Variants in LMX1A observed in about 807,000 individuals in gnomAD.
LMX1A encodes the protein LIM homeobox transcription factor 1-alpha.
In LMX1A, 15 loss-of-function variants were observed where a neutral mutation model predicts 49.1. That is an observed-to-expected ratio of 0.31 (90% confidence interval 0.20 to 0.47). The LOEUF (loss-of-function observed/expected upper bound fraction) is 0.47. Ranked by LOEUF, LMX1A falls within the 20% of genes least tolerant of loss-of-function variation. LMX1A has a pLI of 1.00. For missense variants in LMX1A, 372 were observed against 475.8 expected (o/e 0.78, Z 2.03); for synonymous variants, 167 against 185.7 (o/e 0.90, Z 0.82).
At chr1:165,259,740 T>G (rs1471272371) in intron 3 of LMX1A, among the ~76,000 whole-genome samples, 1 of 152,132 alleles carries the variant, frequency 6.6e-6, no homozygotes, top group African/African-American at 2.4e-5. Flanking sequence ...TAGTCAATGA[T>G]CAAGAAACTA....
chr1:165,352,272 G>C (rs1485808202), intron 3 of LMX1A, among the ~76,000 whole-genome samples: 3 of 152,082 alleles, frequency 2.0e-5, no homozygotes, highest in Admixed American at 6.5e-5. Flanking sequence ...TTAAATTCCT[G>C]CCTCCCAGTT....
intron 3 of LMX1A, among the ~76,000 whole-genome samples, chr1:165,327,968 T>A (rs1342419362): frequency 6.6e-6 from 1 of 152,216 alleles, no homozygotes; most frequent in Admixed American, 6.5e-5. Context: ...GGAACTTTAA[T>A]GGAAAAATAT....
intron 3 of LMX1A, among the ~76,000 whole-genome samples, chr1:165,302,572 T>C (rs1303208994): frequency 6.6e-6 from 1 of 152,224 alleles, no homozygotes; most frequent in East Asian, 1.9e-4. Context: ...TTCACTACCC[T>C]TTGCAATGAC....
intron 3 of LMX1A, among the ~76,000 whole-genome samples, chr1:165,277,651 C>A (rs1654009742): frequency 6.6e-6 from 1 of 152,220 alleles, no homozygotes; most frequent in Admixed American, 6.5e-5. Context: ...TTCCTGGAAT[C>A]CCCTGCTCTG....
intron 3 of LMX1A, among the ~76,000 whole-genome samples, chr1:165,307,652 C>G (rs16842357): frequency 1.3e-5 from 2 of 152,126 alleles, no homozygotes; most frequent in Non-Finnish European, 2.9e-5. Context: ...CCCTCAATAC[C>G]CTTACAACAG....
intron 3 of LMX1A, among the ~76,000 whole-genome samples, chr1:165,277,558 T>G (rs1377445938): frequency 6.6e-6 from 1 of 152,212 alleles, no homozygotes; most frequent in Non-Finnish European, 1.5e-5. Context: ...GTTGTCACTG[T>G]GCCATATAAA....
At chr1:165,204,395 C>G (rs749628528) in intron 8 of LMX1A, among the ~76,000 whole-genome samples, 9 of 151,864 alleles carry the variant, frequency 5.9e-5, no homozygotes, top group Non-Finnish European at 1.0e-4. Context: ...ATGGTAAAAC[C>G]AACAAACAAA....
At chr1:165,333,745 T>C (rs748113116) in intron 3 of LMX1A, among the ~76,000 whole-genome samples, 20 of 152,004 alleles carry the variant, frequency 1.3e-4, no homozygotes, top group Non-Finnish European at 2.8e-4. Flanking sequence ...CACACATGCA[T>C]ACACACAAAC....
intron 3 of LMX1A, among the ~76,000 whole-genome samples, chr1:165,296,796 T>A (rs1313446939): frequency 6.6e-6 from 1 of 152,262 alleles, no homozygotes; most frequent in Non-Finnish European, 1.5e-5. Context: ...AATGTATTTT[T>A]ATATTTTTGT....
At chr1:165,326,278 T>C (rs1655578026) in intron 3 of LMX1A, among the ~76,000 whole-genome samples, 1 of 152,196 alleles carries the variant, frequency 6.6e-6, no homozygotes, top group Admixed American at 6.5e-5. Context: ...CCGATTTCCA[T>C]ATGATGGCTT....
rs61551654 is a variant in LMX1A, at chr1:165,266,595, C to CTTTTTTTTTTTTTTTTT, written c.264-16972_264-16956dup. 1.1e-4 allele frequency among the ~76,000 whole-genome samples: 9 copies of CTTTTTTTTTTTTTTTTT among 79,182 alleles called. 1 individual carries two copies. The highest frequency in any genetic ancestry group is 2.6e-4 in the African/African-American group (5 of 19,334). 51.9% of individuals were successfully genotyped at this position (79,182 alleles called of 152,430 possible). On this transcript the variant is annotated intron_variant, in intron 3 of 8. Coordinates refer to ENST00000342310, the MANE Select transcript of LMX1A (RefSeq NM_177398.4). ...CTAATTTTCTTTCTCTTCTTTCTTT[C>CTTTTTTTTTTTTTTTTT]TTTTTTTTTTTTTTTTTTTTTTTTG...
chr1:165,308,742 T>G (rs1351168247), intron 3 of LMX1A, among the ~76,000 whole-genome samples: 1 of 152,144 alleles, frequency 6.6e-6, no homozygotes, highest in Admixed American at 6.5e-5. Flanking sequence ...CTTGGGTCTA[T>G]GTGAGTGTAA....
At chr1:165,302,281 T>C (rs1166521868) in intron 3 of LMX1A, among the ~76,000 whole-genome samples, 1 of 151,746 alleles carries the variant, frequency 6.6e-6, no homozygotes, top group Non-Finnish European at 1.5e-5. Context: ...CCATCTCTAC[T>C]AAAAATACAA....
At chr1:165,226,106 G>C (rs990337620) in intron 4 of LMX1A, among the ~76,000 whole-genome samples, 8 of 152,008 alleles carry the variant, frequency 5.3e-5, no homozygotes, top group African/African-American at 1.9e-4. Flanking sequence ...CGTAACCTAA[G>C]ACGGGCAGGT....
intron 4 of LMX1A, among the ~76,000 whole-genome samples, chr1:165,225,418 A>G (rs1030010816): frequency 3.9e-4 from 60 of 152,324 alleles, no homozygotes; most frequent in African/African-American, 1.4e-3. Context: ...CTTAGGTGAA[A>G]TTGAGTGTCT....
chr1:165,324,211 C>G (rs973725246), intron 3 of LMX1A, among the ~76,000 whole-genome samples: 2 of 152,202 alleles, frequency 1.3e-5, no homozygotes, highest in Non-Finnish European at 2.9e-5. Context: ...GTGAGGGGCA[C>G]AGACTAGTCA....
intron 3 of LMX1A, among the ~76,000 whole-genome samples, chr1:165,337,262 T>A (rs903546461): frequency 6.6e-6 from 1 of 152,156 alleles, no homozygotes; most frequent in African/African-American, 2.4e-5. Context: ...AACATAACAA[T>A]ATCTTTAATT....
intron 7 of LMX1A, 36 bp from the exon 8 acceptor site, chr1:165,206,070 G>A (rs539829064): frequency 1.6e-5 from 24 of 1,498,530 alleles, no homozygotes; most frequent in East Asian, 4.8e-5. Context: ...CATTCTCAAC[G>A]TGCAGCCTGG....
At chr1:165,353,432 A>G (rs1297045512) in intron 2 of LMX1A, among the ~76,000 whole-genome samples, 170 bp from the exon 3 acceptor site, 1 of 152,148 alleles carries the variant, frequency 6.6e-6, no homozygotes, top group East Asian at 1.9e-4. Context: ...AATCAAGCCA[A>G]GTGGCGTTTC....
Sources: allele counts gnomAD v4.1 joint callset (sites outside exome capture counted in the v4.1 genomes callset), GRCh38; gene constraint gnomAD v4.1.1; transcripts MANE v1.5; gene names NCBI Gene and HGNC (gene_info 2026-07-23, HGNC 2026-07-21).